The following MRPL13 variants were observed in gnomAD, a reference collection of about 807,000 sequenced individuals.
The protein encoded by MRPL13 is large ribosomal subunit protein uL13m.
Under a neutral mutation model 29.0 loss-of-function variants are expected in MRPL13, and 33 were observed. That is an observed-to-expected ratio of 1.14 (90% CI 0.86 to 1.52). The LOEUF is 1.52. MRPL13 is among the 40% of genes most tolerant of loss of function. The probability of loss-of-function intolerance (pLI) is 0.00; values close to 1 mark genes in which losing one functional copy is unlikely to be tolerated. For missense variants in MRPL13, 227 were observed against 216.7 expected (o/e 1.05, Z -0.30); for synonymous variants, 77 against 68.4 (o/e 1.13, Z -0.62).
intron 2 of MRPL13, among the ~76,000 whole-genome samples, chr8:120,439,995 C>T (rs1052604227): frequency 6.6e-6 from 1 of 152,204 alleles, no homozygotes; most frequent in Non-Finnish European, 1.5e-5. Context: ...ACATTTCTTA[C>T]ATTCCAACTA....
Position 120,419,838 on chromosome 8 carries a change from G to T in MRPL13, c.393+14C>A. 3.2e-6 allele frequency: 5 copies of T among 1,566,976 alleles called. No homozygotes were observed. In the South Asian group the frequency reaches 4.9e-5, roughly 15 times the overall value. On this transcript the variant is annotated intron_variant, in intron 5 of 6. Coordinates refer to ENST00000306185, the MANE Select transcript of MRPL13 (RefSeq NM_014078.6). ...ATTTTGGAAAAGCATTGTTACCAAT[G>T]ACCACTGACTTACCTCATCTGGAAA...
At position 120,445,047 on chromosome 8, in the gene MRPL13, G is replaced by T. The variant is rs754692937; in HGVS notation, c.27+21C>A. 6.2e-6 allele frequency: 10 copies of T among 1,613,830 alleles called. No individual in the cohort carries two copies. In the East Asian group the frequency reaches 2.2e-4, roughly 36 times the overall value. On this transcript the variant is annotated intron_variant, in intron 1 of 6. Transcript: ENST00000306185. Reference sequence around the variant, plus strand: ...CTGCCAGTATAATGAACCCCATCAAGCCATAAGAGTCCGAGCTCACCTGGG... The same window carrying T: ...CTGCCAGTATAATGAACCCCATCAATCCATAAGAGTCCGAGCTCACCTGGG...
chr8:120,403,887 T>C (rs2130452331), intron 6 of MRPL13, among the ~76,000 whole-genome samples: 1 of 152,330 alleles, frequency 6.6e-6, no homozygotes, highest in East Asian at 1.9e-4. Flanking sequence ...ATTATTAAAC[T>C]CTGAGCAACA....
chr8:120,436,765 T>C, intron 2 of MRPL13, among the ~76,000 whole-genome samples: 1 of 152,184 alleles, frequency 6.6e-6, no homozygotes, highest in East Asian at 1.9e-4. Context: ...CTTTTATTTA[T>C]TGGGTTTCCT....
intron 6 of MRPL13, among the ~76,000 whole-genome samples, chr8:120,398,693 T>C (rs1015379143): frequency 6.6e-6 from 1 of 152,054 alleles, no homozygotes; most frequent in Admixed American, 6.6e-5. Context: ...AGGTGAGTAA[T>C]AATGAACTTC....
At position 120,443,253 on chromosome 8, in the gene MRPL13, G is replaced by C; in HGVS notation, c.83C>G (p.Pro28Arg). The change falls in exon 2 of 7, where the codon CCT (proline) becomes CGT (arginine). Residue 28 changes from proline (P) to arginine (R), a missense_variant. Coordinates refer to ENST00000306185, the MANE Select transcript of MRPL13 (RefSeq NM_014078.6). ...AGATGCCATAGCAGCAAGTTTGCCA[G>C]GTGGCTGCATTTTCCCATCTAAGAG... ...WYLLDGKMQP[P>R]GKLAAMASIR... is the part of the protein sequence containing the mutation. 6.2e-7 allele frequency: 1 copy of C among 1,609,702 alleles called. No homozygotes were observed. The highest frequency in any genetic ancestry group is 1.1e-5 in the South Asian group (1 of 90,564).
chr8:120,422,548 C>A (rs1047246989), intron 4 of MRPL13, among the ~76,000 whole-genome samples: 1 of 148,200 alleles, frequency 6.7e-6, no homozygotes, highest in Admixed American at 6.8e-5. Context: ...TCTGAGAGGT[C>A]ATTTAATATA....
chr8:120,399,919 T>G (rs1241179790), intron 6 of MRPL13, among the ~76,000 whole-genome samples: 2 of 152,102 alleles, frequency 1.3e-5, no homozygotes, highest in African/African-American at 4.8e-5. Flanking sequence ...GGTAAAGGGT[T>G]CAATTCAAGA....
chr8:120,400,778 AAG>A (rs1256310618), intron 6 of MRPL13, among the ~76,000 whole-genome samples: 3 of 151,802 alleles, frequency 2.0e-5, no homozygotes, highest in South Asian at 2.1e-4. Context: ...AATAAAGGAG[AAG>A]AGAGAGGAGA....
Position 120,413,978 on chromosome 8 carries a change from G to T in MRPL13, c.515+13C>A. The T allele has an allele frequency of 6.6e-7, 1 of 1,519,794 alleles. No homozygotes were observed. The highest frequency in any genetic ancestry group is 8.8e-7 in the Non-Finnish European group (1 of 1,141,734). The allele number at this position is 1,519,794 out of a possible 1,614,324, so 94.1% of individuals were successfully genotyped here. A position where few individuals can be genotyped will look rare whatever the true frequency, so the allele number is the denominator to read the frequency against. Reference sequence around the variant, plus strand: ...TCAAAAGAAAAAAAAACAAGAAGAAGGGAAACACTTACGGAGTCCACAATC... The same window carrying T: ...TCAAAAGAAAAAAAAACAAGAAGAATGGAAACACTTACGGAGTCCACAATC... On this transcript the variant is annotated intron_variant, in intron 6 of 6. Coordinates refer to ENST00000306185, the MANE Select transcript of MRPL13 (RefSeq NM_014078.6).
intron 5 of MRPL13, among the ~76,000 whole-genome samples, chr8:120,419,281 T>C (rs1812841177): frequency 6.6e-6 from 1 of 151,958 alleles, no homozygotes; most frequent in Admixed American, 6.6e-5. Flanking sequence ...TATTTTATTA[T>C]AGAAGCTTTA....
At chr8:120,410,249 C>T (rs1334777859) in intron 6 of MRPL13, among the ~76,000 whole-genome samples, 1 of 152,168 alleles carries the variant, frequency 6.6e-6, no homozygotes, top group Non-Finnish European at 1.5e-5. Context: ...AATGCAGGTA[C>T]ATTTGTTTCA....
intron 2 of MRPL13, among the ~76,000 whole-genome samples, chr8:120,433,384 A>C (rs2130480935): frequency 6.6e-6 from 1 of 152,244 alleles, no homozygotes; most frequent in Middle Eastern, 3.4e-3. Context: ...TCACACGCTA[A>C]GTTACCTAAC....
At chr8:120,444,963 C>T in intron 1 of MRPL13, 105 bp downstream of exon 1, 1 of 1,514,112 alleles carries the variant, frequency 6.6e-7, no homozygotes, top group Non-Finnish European at 9.2e-7. Flanking sequence ...GGCCGAGGGT[C>T]TCGGCTTCCC....
intron 6 of MRPL13, 123 bp from the exon 7 acceptor site, chr8:120,396,248 A>G (rs1250556261): frequency 4.2e-6 from 3 of 706,542 alleles, no homozygotes; most frequent in African/African-American, 3.6e-5. Flanking sequence ...TACAAACACT[A>G]TATCTAAATT....
At chr8:120,418,496 G>A (rs1812831550) in intron 5 of MRPL13, among the ~76,000 whole-genome samples, 1 of 151,970 alleles carries the variant, frequency 6.6e-6, no homozygotes. Context: ...ATGTATAAGT[G>A]TGCCTGTTTC....
At chr8:120,407,326 T>G (rs1480964400) in intron 6 of MRPL13, among the ~76,000 whole-genome samples, 2 of 152,132 alleles carry the variant, frequency 1.3e-5, no homozygotes, top group Non-Finnish European at 2.9e-5. Context: ...AAACAAAACA[T>G]CAAGTTATGA....
chr8:120,424,025 C>G (rs927599272), intron 4 of MRPL13, among the ~76,000 whole-genome samples: 1 of 150,392 alleles, frequency 6.6e-6, no homozygotes, highest in Non-Finnish European at 1.5e-5. Context: ...CAAAAGGCAG[C>G]AAGAAAGGAG....
chr8:120,413,301 G>A (rs894718847), intron 6 of MRPL13, among the ~76,000 whole-genome samples: 1 of 152,200 alleles, frequency 6.6e-6, no homozygotes, highest in Non-Finnish European at 1.5e-5. Flanking sequence ...ATGAAGTCTA[G>A]CAAGAAAGAC....
Sources: gnomAD v4.1 joint callset for allele counts (sites outside exome capture counted in the v4.1 genomes callset) on GRCh38, gnomAD v4.1.1 for gene constraint, MANE v1.5 for transcripts, NCBI Gene and HGNC (gene_info 2026-07-23, HGNC 2026-07-21) for gene names.